The following DHX29 variants were observed in gnomAD, a reference collection of about 807,000 sequenced individuals.
DHX29 encodes the protein ATP-dependent RNA helicase DHX29.
In DHX29, 79 loss-of-function variants were observed where a neutral mutation model predicts 167.9. That is an observed-to-expected ratio of 0.47 (90% CI 0.39 to 0.57). The LOEUF (loss-of-function observed/expected upper bound fraction) is 0.57, where lower values mean the gene tolerates loss of function less well. Among genes scored for constraint, DHX29 ranks in the 20% least tolerant of loss-of-function variants. DHX29 has a pLI of 0.00. For missense variants in DHX29, 1,347 were observed against 1,593.4 expected (o/e 0.85, Z 2.63); for synonymous variants, 530 against 546.0 (o/e 0.97, Z 0.41).
In DHX29 at chr5:55,305,542, G is replaced by C. The variant is rs559933578; in HGVS notation, c.187+1845C>G. On this transcript the variant is annotated intron_variant, in intron 1 of 26. Transcript: ENST00000251636. ...GAAAATAGGAAGTGTTACGACCAAA[G>C]CAGCATTTCTGGAAGATCAGTCTGA... Among the ~76,000 whole-genome samples, 5 of 152,334 alleles carry C rather than the reference G, an allele frequency of 3.3e-5. No individual in the cohort carries two copies. The South Asian group carries it at 1.0e-3, about 32-fold the overall frequency.
intron 23 of DHX29, among the ~76,000 whole-genome samples, chr5:55,263,324 CTTCT>C (rs1272562201): frequency 6.6e-6 from 1 of 152,184 alleles, no homozygotes; most frequent in African/African-American, 2.4e-5. Context: ...TTGCAAGTAC[CTTCT>C]TTATTTGTTT....
At chr5:55,306,102 G>A (rs1748844194) in intron 1 of DHX29, among the ~76,000 whole-genome samples, 1 of 152,136 alleles carries the variant, frequency 6.6e-6, no homozygotes, top group Non-Finnish European at 1.5e-5. Context: ...TAGTTGTCAG[G>A]GAGAAATTCT....
chr5:55,300,358 G>C (rs1748537283), intron 1 of DHX29, among the ~76,000 whole-genome samples: 1 of 150,524 alleles, frequency 6.6e-6, no homozygotes, highest in Non-Finnish European at 1.5e-5. Flanking sequence ...CTGGGCAACA[G>C]AGTGAGACCC....
chr5:55,274,503 T>C (rs1473778424), intron 16 of DHX29, 111 bp downstream of exon 16: 1 of 754,540 alleles, frequency 1.3e-6, no homozygotes, highest in African/African-American at 1.8e-5. Context: ...TCCCCATAGG[T>C]AATTTTAACC....
At chr5:55,300,621 C>T (rs563620797) in intron 1 of DHX29, among the ~76,000 whole-genome samples, 4 of 151,730 alleles carry the variant, frequency 2.6e-5, no homozygotes, top group South Asian at 2.1e-4. Flanking sequence ...TGCAGTGAGC[C>T]GAGACTGCAC....
At chr5:55,304,096 T>A (rs1748737115) in intron 1 of DHX29, among the ~76,000 whole-genome samples, 1 of 151,806 alleles carries the variant, frequency 6.6e-6, no homozygotes, top group South Asian at 2.1e-4. Context: ...GCTAAGGAAG[T>A]GGCACTTCTA....
chr5:55,290,434 A>C (rs968133277), intron 6 of DHX29, 90 bp from the exon 7 acceptor site: 1 of 1,395,486 alleles, frequency 7.2e-7, no homozygotes, highest in Non-Finnish European at 9.5e-7. Flanking sequence ...AAAATCTGTG[A>C]TATTTTTACC....
chr5:55,281,144 TACAC>T (rs1561152237), intron 12 of DHX29, among the ~76,000 whole-genome samples: 1 of 151,660 alleles, frequency 6.6e-6, no homozygotes, highest in African/African-American at 2.4e-5. Context: ...GCTATATATA[TACAC>T]ACACACAAAT....
chr5:55,265,136 C>T (rs1368746935), intron 23 of DHX29, among the ~76,000 whole-genome samples: 1 of 148,016 alleles, frequency 6.8e-6, no homozygotes, highest in African/African-American at 2.5e-5. Context: ...GGATTACTCT[C>T]TCAATATAAC....
chr5:55,281,057 GTA>G (rs1298845567), intron 12 of DHX29, among the ~76,000 whole-genome samples: 1 of 143,242 alleles, frequency 7.0e-6, no homozygotes, highest in Non-Finnish European at 1.5e-5. Context: ...CATGCTATAT[GTA>G]TATACACACA....
At chr5:55,303,508 C>T (rs1463998877) in intron 1 of DHX29, among the ~76,000 whole-genome samples, 2 of 152,206 alleles carry the variant, frequency 1.3e-5, no homozygotes, top group Non-Finnish European at 2.9e-5. Context: ...GTACACACTG[C>T]CAGGGCCGCC....
chr5:55,283,823 A>G lies in DHX29; in HGVS notation c.1357-12T>C. 2 of 1,558,428 alleles carry G rather than the reference A, an allele frequency of 1.3e-6. No homozygotes were observed. Among genetic ancestry groups the G allele is most frequent in the Non-Finnish European group, 8.6e-7 (1 of 1,157,710 alleles). ...AACTGATGAACTGACTAAAGGAAAA[A>G]CAGAGGTATGTTATTTTCACTAACT... is the stretch of plus-strand genomic sequence containing the variant. On this transcript the variant is annotated splice_polypyrimidine_tract_variant and intron_variant, in intron 10 of 26. Coordinates refer to ENST00000251636, the MANE Select transcript of DHX29 (RefSeq NM_019030.4).
chr5:55,294,561 G>C (rs1412881686), intron 5 of DHX29, among the ~76,000 whole-genome samples: 1 of 152,192 alleles, frequency 6.6e-6, no homozygotes, highest in African/African-American at 2.4e-5. Flanking sequence ...TGTAGTCCCA[G>C]CTACTCGGGA....
intron 26 of DHX29, among the ~76,000 whole-genome samples, chr5:55,259,127 T>C (rs1746189118): frequency 6.6e-6 from 1 of 152,182 alleles, no homozygotes; most frequent in African/African-American, 2.4e-5. Flanking sequence ...ACTACAGGCA[T>C]ATGACACCAT....
intron 1 of DHX29, among the ~76,000 whole-genome samples, chr5:55,305,906 T>C (rs939845591): frequency 6.6e-6 from 1 of 152,146 alleles, no homozygotes; most frequent in Non-Finnish European, 1.5e-5. Context: ...TGAACACTCC[T>C]AGAAGGGCTT....
intron 1 of DHX29, among the ~76,000 whole-genome samples, chr5:55,300,148 G>C (rs1368103576): frequency 6.7e-6 from 1 of 148,722 alleles, no homozygotes; most frequent in Admixed American, 6.7e-5. Context: ...GAGGTAGGAG[G>C]ATCTCTTGAG....
intron 23 of DHX29, among the ~76,000 whole-genome samples, chr5:55,266,659 C>T (rs1746591549): frequency 6.6e-6 from 1 of 151,800 alleles, no homozygotes; most frequent in Admixed American, 6.6e-5. Flanking sequence ...GATAGGGTCT[C>T]ACTCTGTACA....
chr5:55,267,761 T>C lies in DHX29; in HGVS notation c.3356A>G (p.Asp1119Gly). 1.9e-6 allele frequency: 3 copies of C among 1,609,814 alleles called. No homozygotes were observed. The highest frequency in any genetic ancestry group is 2.5e-6 in the Non-Finnish European group (3 of 1,177,784). Residue 1119 changes from aspartate to glycine, a missense_variant, in exon 22 of 27, where the codon GAT becomes GGT. By Grantham distance (94) the Asp-to-Gly change is moderately conservative (BLOSUM62 -1). Transcript: ENST00000251636. ...AGCTGATTTTGCAAGATCTGCTTCA[T>C]CTTTTCGACCAATTGGTGTGGTAAA... ...SPFTTPIGRK[D>G]EADLAKSALA...
chr5:55,277,173 T>C lies in DHX29; in HGVS notation c.2219A>G (p.Glu740Gly). 2 of 1,613,084 alleles carry C rather than the reference T, an allele frequency of 1.2e-6. No individual in the cohort carries two copies. The highest frequency in any genetic ancestry group is 1.7e-6 in the Non-Finnish European group (2 of 1,179,322). The change falls in exon 13 of 27, where the codon GAA becomes GGA. Residue 740 changes from glutamate to glycine, a missense_variant. Physicochemically the swap from Glu to Gly is moderately conservative, Grantham distance 98. Around this residue, in one of 3 missense-constraint regions of DHX29, gnomAD observed 882 missense variants for 1,082.4 expected, o/e 0.81. Transcript: ENST00000251636. ...GTGTGTGAAATATGTAGAAAATTTTTCGCTGTCCACAGTGGCACTCATTAG... is the reference window on the plus strand; with the variant it reads ...GTGTGTGAAATATGTAGAAAATTTTCCGCTGTCCACAGTGGCACTCATTAG... ...LILMSATVDS[E>G]KFSTYFTHCP...
Sources: allele counts gnomAD v4.1 joint callset (sites outside exome capture counted in the v4.1 genomes callset), GRCh38; gene constraint gnomAD v4.1.1; regional missense constraint gnomAD v4.1.1; transcripts MANE v1.5; gene names NCBI Gene and HGNC (gene_info 2026-07-23, HGNC 2026-07-21).